The following PAM variants were observed in gnomAD, a reference collection of about 807,000 sequenced individuals.
The protein encoded by PAM is peptidyl-glycine alpha-amidating monooxygenase.
In PAM, 72 loss-of-function variants were observed where a neutral mutation model predicts 122.1. The observed-to-expected ratio is 0.59, with a 90% CI of 0.49 to 0.72. The LOEUF (loss-of-function observed/expected upper bound fraction) is 0.72. Ranked by LOEUF, PAM falls within the 30% of genes least tolerant of loss-of-function variation. PAM has a pLI of 0.00. For missense variants in PAM, 1,106 were observed against 1,183.7 expected, an observed-to-expected ratio of 0.93 and a Z score of 0.96; for synonymous variants, 389 against 404.4, an observed-to-expected ratio of 0.96 and a Z score of 0.46.
intron 1 of PAM, among the ~76,000 whole-genome samples, chr5:102,801,770 G>GTATTTTTTTT (rs1764757687): frequency 1.4e-5 from 2 of 140,358 alleles, no homozygotes; most frequent in African/African-American, 5.6e-5. Flanking sequence ...TAGGGAAAAG[G>GTATTTTTTTT]TATTTTTTTT....
At chr5:103,017,570 G>A (rs1163327155) in intron 22 of PAM, 137 bp downstream of exon 22, 6 of 617,034 alleles carry the variant, frequency 9.7e-6, no homozygotes, top group Non-Finnish European at 1.7e-5. Flanking sequence ...GTTGTTAAAA[G>A]ACCTATTTGG....
At chr5:102,938,979 C>T (rs1754190654) in intron 7 of PAM, among the ~76,000 whole-genome samples, 1 of 152,116 alleles carries the variant, frequency 6.6e-6, no homozygotes. Context: ...ATTAGAAGTG[C>T]TGGGATTTGC....
At chr5:102,900,255 G>GTGTGT (rs1554107232) in intron 3 of PAM, among the ~76,000 whole-genome samples, 4 of 82,844 alleles carry the variant, frequency 4.8e-5, no homozygotes, top group African/African-American at 2.0e-4. Flanking sequence ...GTGTGTGTGT[G>GTGTGT]GGGGGGGGGC....
chr5:102,885,511 G>A (rs1236637720), intron 3 of PAM, among the ~76,000 whole-genome samples: 3 of 151,936 alleles, frequency 2.0e-5, no homozygotes, highest in Non-Finnish European at 2.9e-5. Context: ...AAGATAGATT[G>A]GTAGCCTGAG....
chr5:102,981,201 C>T (rs1378363294), intron 15 of PAM, among the ~76,000 whole-genome samples: 5 of 152,172 alleles, frequency 3.3e-5, no homozygotes, highest in African/African-American at 1.2e-4. Context: ...GATTAAAGTT[C>T]TTTAAACAGT....
At chr5:102,979,218 T>C (rs901015950) in intron 15 of PAM, among the ~76,000 whole-genome samples, 7 of 152,160 alleles carry the variant, frequency 4.6e-5, no homozygotes, top group African/African-American at 1.4e-4. Context: ...TTGACCAATA[T>C]GAAAATCTCA....
Position 103,006,916 on chromosome 5 carries a change from C to T in PAM, c.1919C>T (p.Pro640Leu), listed in dbSNP as rs1390388916. The T allele has an allele frequency of 6.2e-7, 1 of 1,613,968 alleles. No homozygotes were observed. The highest frequency in any genetic ancestry group is 1.7e-5 in the Admixed American group (1 of 59,998). ...CAACCCACTGATGTGGCTGTGGATC[C>T]AGGCACTGGAGCCATTTATGTATCA... is the stretch of plus-strand genomic sequence containing the variant. ...FCQPTDVAVDPGTGAIYVSDG... is the reference protein window; with the variant it reads ...FCQPTDVAVDLGTGAIYVSDG... Residue 640 changes from proline to leucine, a missense_variant, in exon 19 of 26, where the codon CCA becomes CTA. Around this residue, in one of 3 missense-constraint regions of PAM, gnomAD observed 103 missense variants for 157.9 expected, o/e 0.65. Coordinates refer to ENST00000438793, the MANE Select transcript of PAM (RefSeq NM_001177306.2).
At chr5:103,011,447 T>A (rs1780610530) in intron 21 of PAM, among the ~76,000 whole-genome samples, 1 of 151,942 alleles carries the variant, frequency 6.6e-6, no homozygotes, top group South Asian at 2.1e-4. Flanking sequence ...GTAACCATCC[T>A]TCTGTACCAT....
intron 1 of PAM, among the ~76,000 whole-genome samples, chr5:102,856,260 A>G (rs539732634): frequency 2.6e-5 from 4 of 152,276 alleles, no homozygotes; most frequent in African/African-American, 9.6e-5. Flanking sequence ...TCAAGGAGAA[A>G]GTAGGTGATA....
chr5:102,967,543 C>A (rs1365283807), intron 14 of PAM, among the ~76,000 whole-genome samples: 1 of 152,118 alleles, frequency 6.6e-6, no homozygotes, highest in African/African-American at 2.4e-5. Flanking sequence ...ATCTCTGGAA[C>A]TATGACAAGA....
chr5:102,893,177 C>A (rs17154796), intron 3 of PAM, among the ~76,000 whole-genome samples: 2,984 of 151,788 alleles, frequency 0.02, 89 homozygotes, highest in African/African-American at 0.069. Context: ...ACATGAATGG[C>A]CTTGGGCAGT....
intron 1 of PAM, among the ~76,000 whole-genome samples, chr5:102,819,177 T>C (rs1302125877): frequency 6.6e-6 from 1 of 152,186 alleles, no homozygotes; most frequent in Non-Finnish European, 1.5e-5. Context: ...GTGCAAACCT[T>C]ACATTATAAT....
intron 1 of PAM, among the ~76,000 whole-genome samples, chr5:102,790,060 A>G (rs776158597): frequency 6.6e-6 from 1 of 152,124 alleles, no homozygotes; most frequent in African/African-American, 2.4e-5. Context: ...TTCTTGGAAC[A>G]TGGAAGATGC....
intron 1 of PAM, among the ~76,000 whole-genome samples, chr5:102,795,189 C>CAAAAAAAAAAAAAAAAAAAAAAAAAAAAA (rs33988105): frequency 3.4e-5 from 2 of 59,682 alleles, no homozygotes; most frequent in Non-Finnish European, 6.0e-5. Context: ...GACAATGTCT[C>CAAAAAAAAAAAAAAAAAAAAAAAAAAAAA]AAAAAAAAAA....
chr5:102,902,015 T>A (rs1369400867), intron 4 of PAM, among the ~76,000 whole-genome samples: 4 of 151,648 alleles, frequency 2.6e-5, no homozygotes, highest in African/African-American at 4.8e-5. Context: ...CAAAGCACCA[T>A]CTGTTTCCTT....
chr5:102,805,473 T>C (rs1180039062), intron 1 of PAM, among the ~76,000 whole-genome samples: 2 of 152,174 alleles, frequency 1.3e-5, no homozygotes, highest in Admixed American at 1.3e-4. Flanking sequence ...AGTGTTTTTT[T>C]CTGAATAAAA....
At chr5:102,968,771 T>C (rs1420034692) in intron 14 of PAM, among the ~76,000 whole-genome samples, 1 of 152,124 alleles carries the variant, frequency 6.6e-6, no homozygotes, top group Non-Finnish European at 1.5e-5. Flanking sequence ...ATCATTCTAC[T>C]GTAAAGACAC....
chr5:102,966,186 T>C (rs1350277120), intron 14 of PAM, among the ~76,000 whole-genome samples: 1 of 152,106 alleles, frequency 6.6e-6, no homozygotes, highest in Non-Finnish European at 1.5e-5. Flanking sequence ...TTATGAGCAC[T>C]TCACAAGTCT....
At chr5:102,935,447 A>G (rs2151841906) in intron 7 of PAM, among the ~76,000 whole-genome samples, 3 of 152,204 alleles carry the variant, frequency 2.0e-5, no homozygotes, top group Middle Eastern at 6.8e-3. Context: ...TAATGTGTGT[A>G]TCTTATTGTC....
Sources: gnomAD v4.1 joint callset for allele counts (sites outside exome capture counted in the v4.1 genomes callset) on GRCh38, gnomAD v4.1.1 for gene constraint, gnomAD v4.1.1 regional missense constraint, MANE v1.5 for transcripts, NCBI Gene and HGNC (gene_info 2026-07-23, HGNC 2026-07-21) for gene names.